MAF: variants seen among roughly 807,000 people sequenced by gnomAD.
The protein encoded by MAF is transcription factor Maf.
In MAF, 10 loss-of-function variants were observed where a neutral mutation model predicts 22.0. The observed-to-expected ratio is 0.45, with a 90% CI of 0.28 to 0.77. The LOEUF is 0.77. Ranked by LOEUF, MAF falls within the 30% of genes least tolerant of loss-of-function variation. The pLI is 0.12. For synonymous variants in MAF, 337 were observed against 255.8 expected, an observed-to-expected ratio of 1.32 and a Z score of -3.03; for missense variants, 544 against 548.4, an observed-to-expected ratio of 0.99 and a Z score of 0.08.
At chr16:79,528,038 G>C in the MAF span, among the ~76,000 whole-genome samples, 2 of 152,292 alleles carry the variant, frequency 1.3e-5, no homozygotes, top group Middle Eastern at 3.4e-3. Flanking sequence ...AGCTACTCAG[G>C]AGGCTGAGCA....
At chr16:79,376,442 A>G in the MAF span, among the ~76,000 whole-genome samples, 1 of 152,104 alleles carries the variant, frequency 6.6e-6, no homozygotes, top group Non-Finnish European at 1.5e-5. Flanking sequence ...CCTAGATATA[A>G]GCCCCCATAG....
the MAF span, among the ~76,000 whole-genome samples, chr16:79,217,571 ACCTTCTCATGG>A: frequency 6.6e-6 from 1 of 152,160 alleles, no homozygotes; most frequent in Non-Finnish European, 1.5e-5. Flanking sequence ...GTTGGTCTGC[ACCTTCTCATGG>A]ACTCAACATC....
the MAF span, among the ~76,000 whole-genome samples, chr16:79,251,209 G>T: frequency 1.8e-4 from 27 of 152,010 alleles, no homozygotes; most frequent in Non-Finnish European, 3.7e-4. Context: ...GTCAAAATTG[G>T]AAATTTGGCC....
chr16:79,347,450 C>A, the MAF span, among the ~76,000 whole-genome samples: 1 of 152,190 alleles, frequency 6.6e-6, no homozygotes, highest in Non-Finnish European at 1.5e-5. Flanking sequence ...AAACCCAAAG[C>A]GAAGCTGTTC....
At chr16:79,585,130 G>C (rs1000954595), downstream of MAF, among the ~76,000 whole-genome samples, 20 of 152,198 alleles carry the variant, frequency 1.3e-4, no homozygotes, top group African/African-American at 2.4e-5. Flanking sequence ...ATCACACTAA[G>C]TAATTATTGG....
At chr16:79,371,742 A>C in the MAF span, among the ~76,000 whole-genome samples, 3 of 152,204 alleles carry the variant, frequency 2.0e-5, no homozygotes, top group African/African-American at 7.2e-5. Context: ...GTTACCCAGG[A>C]AACCCCTGTG....
the MAF span, among the ~76,000 whole-genome samples, chr16:79,580,116 CA>C: frequency 6.6e-6 from 1 of 152,180 alleles, no homozygotes; most frequent in Non-Finnish European, 1.5e-5. Context: ...CTCCCACTCT[CA>C]GGCAGAGACC....
At chr16:79,450,234 C>T in the MAF span, among the ~76,000 whole-genome samples, 4 of 152,166 alleles carry the variant, frequency 2.6e-5, no homozygotes, top group Admixed American at 6.5e-5. Flanking sequence ...ACCTTTAGTA[C>T]AATTTATAAA....
chr16:79,569,248 C>T, the MAF span, among the ~76,000 whole-genome samples: 160 of 152,314 alleles, frequency 1.1e-3, no homozygotes, highest in African/African-American at 3.7e-3. Flanking sequence ...CATTATCCCT[C>T]GTCTCAACCT....
the MAF span, among the ~76,000 whole-genome samples, chr16:79,477,759 C>G: frequency 1.3e-5 from 2 of 151,966 alleles, no homozygotes; most frequent in African/African-American, 2.4e-5. Flanking sequence ...GAGTCTCGCT[C>G]TGTTGCCCAG....
the MAF span, chr16:79,212,004 C>G: frequency 5.9e-6 from 9 of 1,536,030 alleles, no homozygotes; most frequent in Admixed American, 3.9e-5. Flanking sequence ...TGGGGCTGGG[C>G]TAGGCATAGG....
chr16:79,573,280 A>G, the MAF span, among the ~76,000 whole-genome samples: 1 of 152,202 alleles, frequency 6.6e-6, no homozygotes, highest in Non-Finnish European at 1.5e-5. Flanking sequence ...TGCTTATGTC[A>G]TCAAACTTAC....
At chr16:79,250,268 G>A in the MAF span, among the ~76,000 whole-genome samples, 1 of 152,182 alleles carries the variant, frequency 6.6e-6, no homozygotes, top group Non-Finnish European at 1.5e-5. Flanking sequence ...CCTTGCAAAG[G>A]AGGCCATCCA....
the MAF span, chr16:79,212,707 A>C: frequency 6.7e-6 from 1 of 148,478 alleles, no homozygotes; most frequent in Non-Finnish European, 1.5e-5. Flanking sequence ...TGTTTGTTTC[A>C]GTTTGTTTTT....
downstream of MAF, among the ~76,000 whole-genome samples, chr16:79,581,723 C>A (rs914160063): frequency 6.6e-6 from 1 of 152,192 alleles, no homozygotes; most frequent in East Asian, 1.9e-4. Flanking sequence ...ACAATCCTAC[C>A]GACAAAAATC....
the MAF span, among the ~76,000 whole-genome samples, chr16:79,491,513 C>T: frequency 6.6e-6 from 1 of 152,114 alleles, no homozygotes; most frequent in East Asian, 1.9e-4. Flanking sequence ...TGCCCCATTT[C>T]CCCATAGTGA....
At chr16:79,474,838 T>G in the MAF span, among the ~76,000 whole-genome samples, 2 of 152,164 alleles carry the variant, frequency 1.3e-5, no homozygotes, top group African/African-American at 2.4e-5. Flanking sequence ...GAGCCATGTC[T>G]AGAGCCTGTT....
the MAF span, among the ~76,000 whole-genome samples, chr16:79,444,669 G>C: frequency 1.3e-3 from 199 of 152,190 alleles, 5 homozygotes; most frequent in Non-Finnish European, 4.4e-4. Flanking sequence ...CTGAGACAGA[G>C]GCCTCGTCCC....
At chr16:79,260,044 A>C in the MAF span, among the ~76,000 whole-genome samples, 1 of 152,200 alleles carries the variant, frequency 6.6e-6, no homozygotes, top group South Asian at 2.1e-4. Context: ...AGCTGGCTGG[A>C]AAATAAGGCA....
Sources: allele counts gnomAD v4.1 joint callset (sites outside exome capture counted in the v4.1 genomes callset), GRCh38; gene constraint gnomAD v4.1.1; transcripts MANE v1.5; gene names NCBI Gene and HGNC (gene_info 2026-07-23, HGNC 2026-07-21).